PTPRD: variants seen among roughly 807,000 people sequenced by gnomAD.
The protein encoded by PTPRD is protein tyrosine phosphatase receptor type D, also known as receptor-type tyrosine-protein phosphatase delta.
In PTPRD, 34 loss-of-function variants were observed where a neutral mutation model predicts 214.5. That is an observed-to-expected ratio of 0.16 (90% CI 0.12 to 0.21). The LOEUF (loss-of-function observed/expected upper bound fraction) is 0.21, where lower values mean the gene tolerates loss of function less well. PTPRD is among the 10% of genes least tolerant of loss of function. PTPRD has a pLI of 1.00. For missense variants in PTPRD, 2,545 were observed against 2,398.7 expected (o/e 1.06, Z -1.27); for synonymous variants, 1,128 against 845.7 (o/e 1.33, Z -5.79).
chr9:9,377,034 C>G (rs2060975698), intron 9 of PTPRD, among the ~76,000 whole-genome samples: 2 of 151,854 alleles, frequency 1.3e-5, no homozygotes, highest in African/African-American at 4.8e-5. Flanking sequence ...AAAGCATCAT[C>G]AAGCTAAAGG....
intron 11 of PTPRD, among the ~76,000 whole-genome samples, chr9:9,009,803 G>T (rs1487326861): frequency 6.6e-6 from 1 of 151,760 alleles, no homozygotes; most frequent in African/African-American, 2.4e-5. Context: ...ACGAGTATAA[G>T]GACAGATTGC....
chr9:10,408,851 A>T (rs1170727295), intron 2 of PTPRD, among the ~76,000 whole-genome samples: 3 of 151,880 alleles, frequency 2.0e-5, no homozygotes, highest in African/African-American at 7.2e-5. Context: ...TTTGCAAGAT[A>T]CCTGGAAACT....
At chr9:9,546,869 G>A (rs187204032) in intron 8 of PTPRD, among the ~76,000 whole-genome samples, 11 of 151,466 alleles carry the variant, frequency 7.3e-5, no homozygotes, top group Non-Finnish European at 1.5e-4. Context: ...CACTAAAAGA[G>A]CATTAAAACC....
At chr9:9,649,550 T>A (rs991833846) in intron 7 of PTPRD, among the ~76,000 whole-genome samples, 2 of 151,964 alleles carry the variant, frequency 1.3e-5, no homozygotes, top group Non-Finnish European at 2.9e-5. Context: ...TAAAAAGAAA[T>A]AAAAGGCAAA....
chr9:8,458,386 C>G (rs139240999), intron 33 of PTPRD, among the ~76,000 whole-genome samples: 6 of 152,036 alleles, frequency 3.9e-5, no homozygotes, highest in Non-Finnish European at 8.8e-5. Flanking sequence ...TTAATGATAG[C>G]TATGTATATC....
intron 11 of PTPRD, among the ~76,000 whole-genome samples, chr9:8,904,978 C>A (rs974605061): frequency 1.3e-4 from 20 of 152,106 alleles, no homozygotes; most frequent in Non-Finnish European, 2.2e-4. Flanking sequence ...AAACTTGAAA[C>A]TTGGCAAGAT....
chr9:10,026,136 C>T (rs1008794687), intron 4 of PTPRD, among the ~76,000 whole-genome samples: 9 of 152,198 alleles, frequency 5.9e-5, no homozygotes, highest in Admixed American at 5.2e-4. Context: ...AAATAACGAC[C>T]AGTCCAAGCC....
chr9:9,459,739 T>A (rs1334111058), intron 8 of PTPRD, among the ~76,000 whole-genome samples: 1 of 152,108 alleles, frequency 6.6e-6, no homozygotes, highest in Non-Finnish European at 1.5e-5. Context: ...TGAATAGGAA[T>A]AATCAATATC....
chr9:8,599,478 A>G (rs1278298387), intron 14 of PTPRD, among the ~76,000 whole-genome samples: 1 of 152,194 alleles, frequency 6.6e-6, no homozygotes, highest in African/African-American at 2.4e-5. Context: ...ACTCTGGAGT[A>G]ATGAATTTTT....
intron 10 of PTPRD, among the ~76,000 whole-genome samples, chr9:9,181,526 A>G (rs1241733150): frequency 2.6e-5 from 4 of 151,990 alleles, no homozygotes; most frequent in African/African-American, 9.7e-5. Flanking sequence ...TGTACCTCCT[A>G]CTGTGTCAAA....
intron 11 of PTPRD, among the ~76,000 whole-genome samples, chr9:8,782,893 GC>G (rs752744865): frequency 5.3e-5 from 8 of 152,082 alleles, no homozygotes; most frequent in African/African-American, 1.2e-4. Flanking sequence ...ACCACGCCTG[GC>G]CTACACTTCT....
intron 8 of PTPRD, among the ~76,000 whole-genome samples, chr9:9,515,661 T>G (rs1017281200): frequency 6.6e-6 from 1 of 151,880 alleles, no homozygotes; most frequent in Non-Finnish European, 1.5e-5. Context: ...ATTATAAATT[T>G]TGAAAACCAT....
chr9:9,234,249 C>A (rs912459820), intron 9 of PTPRD, among the ~76,000 whole-genome samples: 1 of 152,346 alleles, frequency 6.6e-6, no homozygotes, highest in African/African-American at 2.4e-5. Context: ...TCATCTGAAG[C>A]CATGTCCCAT....
intron 12 of PTPRD, among the ~76,000 whole-genome samples, chr9:8,703,137 T>C (rs991277701): frequency 5.3e-5 from 8 of 152,174 alleles, no homozygotes; most frequent in African/African-American, 1.9e-4. Flanking sequence ...ATTATACCAA[T>C]AGTGAATCTG....
chr9:9,518,681 T>C (rs1391946658), intron 8 of PTPRD, among the ~76,000 whole-genome samples: 1 of 152,016 alleles, frequency 6.6e-6, no homozygotes, highest in Non-Finnish European at 1.5e-5. Context: ...CACTTTAAAT[T>C]AAATATGACA....
At chr9:9,372,648 C>G (rs980098267) in intron 9 of PTPRD, among the ~76,000 whole-genome samples, 1 of 152,064 alleles carries the variant, frequency 6.6e-6, no homozygotes, top group African/African-American at 2.4e-5. Context: ...GAATTTGATC[C>G]TGTCATTACA....
chr9:9,132,864 T>A (rs1222212864), intron 10 of PTPRD, among the ~76,000 whole-genome samples: 4 of 152,282 alleles, frequency 2.6e-5, no homozygotes, highest in African/African-American at 9.6e-5. Flanking sequence ...AATATATGAT[T>A]AAGTGCTATA....
At chr9:10,238,243 A>G (rs563693933) in intron 3 of PTPRD, among the ~76,000 whole-genome samples, 2 of 151,914 alleles carry the variant, frequency 1.3e-5, no homozygotes, top group African/African-American at 4.8e-5. Flanking sequence ...AATTCTCTCC[A>G]AGTCTGGCTG....
At chr9:8,673,018 C>A (rs907652740) in intron 12 of PTPRD, among the ~76,000 whole-genome samples, 5 of 151,992 alleles carry the variant, frequency 3.3e-5, no homozygotes, top group African/African-American at 9.7e-5. Context: ...TTAAAATGAG[C>A]TTATCAAACC....
Sources: allele counts gnomAD v4.1 joint callset (sites outside exome capture counted in the v4.1 genomes callset), GRCh38; gene constraint gnomAD v4.1.1; transcripts MANE v1.5; gene names NCBI Gene and HGNC (gene_info 2026-07-23, HGNC 2026-07-21).